The following TULP4 variants were observed in gnomAD, a reference collection of about 807,000 sequenced individuals.
TULP4 encodes TUB like protein 4, also known as tubby-related protein 4.
TULP4 carries 16 observed loss-of-function variants against 129.0 expected under a neutral mutation model. The ratio of observed to expected loss-of-function variants is 0.12; its 90% CI spans 0.08 to 0.19. TULP4 has a LOEUF of 0.19. TULP4 is among the 10% of genes least tolerant of loss of function. TULP4 has a pLI of 1.00. For missense variants in TULP4, 1,842 were observed against 2,059.1 expected (o/e 0.89, Z 2.04); for synonymous variants, 998 against 854.0 (o/e 1.17, Z -2.94).
At chr6:158,395,934 C>T (rs958162858) in intron 1 of TULP4, among the ~76,000 whole-genome samples, 2 of 151,968 alleles carry the variant, frequency 1.3e-5, no homozygotes, top group Non-Finnish European at 2.9e-5. Context: ...GCACAGTCCT[C>T]CTAGAGTTAA....
chr6:158,371,445 A>G (rs1419998673), intron 1 of TULP4, among the ~76,000 whole-genome samples: 2 of 152,066 alleles, frequency 1.3e-5, no homozygotes, highest in African/African-American at 4.8e-5. Context: ...CAAAATCCCA[A>G]CTGATACAGG....
At chr6:158,327,829 A>G (rs1271199970) in intron 1 of TULP4, among the ~76,000 whole-genome samples, 3 of 152,038 alleles carry the variant, frequency 2.0e-5, no homozygotes, top group Admixed American at 6.6e-5. Context: ...ATCCTTGACT[A>G]TTTATTCAAA....
At chr6:158,235,436 G>A (rs1483648120) in intron 1 of TULP4, among the ~76,000 whole-genome samples, 1 of 152,112 alleles carries the variant, frequency 6.6e-6, no homozygotes, top group Non-Finnish European at 1.5e-5. Flanking sequence ...GCCCTTTCAT[G>A]ACTGGCTTAT....
intron 1 of TULP4, among the ~76,000 whole-genome samples, chr6:158,363,729 AC>A (rs920514134): frequency 1.3e-5 from 2 of 149,008 alleles, no homozygotes; most frequent in Admixed American, 6.7e-5. Context: ...CAGGTGATCC[AC>A]CCCCCCGGCC....
At chr6:158,308,575 T>C (rs62437363), upstream of TULP4, among the ~76,000 whole-genome samples, 3 of 143,654 alleles carry the variant, frequency 2.1e-5, no homozygotes, top group African/African-American at 5.2e-5. Flanking sequence ...CCAGTAGGGG[T>C]GGCCGGGCAG....
At chr6:158,498,937 C>A in intron 12 of TULP4, 125 bp downstream of exon 12, 1 of 1,200,730 alleles carries the variant, frequency 8.3e-7, no homozygotes, top group Non-Finnish European at 1.2e-6. Flanking sequence ...GTATCCCTGC[C>A]TCAGTAAGGT....
chr6:158,340,609 C>G (rs1355260793), intron 1 of TULP4, among the ~76,000 whole-genome samples: 2 of 152,196 alleles, frequency 1.3e-5, no homozygotes, highest in African/African-American at 2.4e-5. Flanking sequence ...CTAGCCTGCC[C>G]TCCTGGAGTT....
chr6:158,487,345 C>T (rs1309222818), intron 8 of TULP4, among the ~76,000 whole-genome samples: 4 of 152,178 alleles, frequency 2.6e-5, no homozygotes, highest in Non-Finnish European at 5.9e-5. Context: ...GAGGCTGAGG[C>T]AGGAGAATCG....
At chr6:158,453,759 A>G (rs1352360777) in intron 5 of TULP4, among the ~76,000 whole-genome samples, 2 of 142,112 alleles carry the variant, frequency 1.4e-5, no homozygotes, top group African/African-American at 5.4e-5. Context: ...ACTGCACTCT[A>G]GCCTGGATGA....
At chr6:158,238,248 C>G in intron 1 of TULP4, 1 of 1,110,176 alleles carries the variant, frequency 9.0e-7, no homozygotes, top group South Asian at 1.3e-5. Context: ...TCTGAAAATT[C>G]CTGAAGCAGC....
At chr6:158,468,552 A>G (rs527531577) in intron 6 of TULP4, among the ~76,000 whole-genome samples, 1 of 152,318 alleles carries the variant, frequency 6.6e-6, no homozygotes, top group South Asian at 2.1e-4. Context: ...ATTTCTTTTA[A>G]AAAAATTAAT....
chr6:158,440,822 GT>G (rs1212937839), intron 3 of TULP4, among the ~76,000 whole-genome samples: 1 of 152,116 alleles, frequency 6.6e-6, no homozygotes, highest in African/African-American at 2.4e-5. Flanking sequence ...AATAAAATAT[GT>G]TTCTTTAGCA....
intron 1 of TULP4, among the ~76,000 whole-genome samples, chr6:158,401,649 T>C (rs1408744170): frequency 1.3e-5 from 2 of 151,788 alleles, no homozygotes; most frequent in Admixed American, 6.6e-5. Flanking sequence ...GTTCTAAGCA[T>C]GTGGCAGGTA....
chr6:158,377,924 G>T (rs970710918), intron 1 of TULP4, among the ~76,000 whole-genome samples: 1 of 152,182 alleles, frequency 6.6e-6, no homozygotes, highest in Non-Finnish European at 1.5e-5. Context: ...GGCCTGGGCT[G>T]AGCTAGGCGG....
At chr6:158,344,518 CTT>C (rs1475349622) in intron 1 of TULP4, among the ~76,000 whole-genome samples, 1 of 152,162 alleles carries the variant, frequency 6.6e-6, no homozygotes, top group Non-Finnish European at 1.5e-5. Context: ...ATATTTCAAG[CTT>C]TTTCATCATT....
At chr6:158,369,377 T>TA (rs1777021662) in intron 1 of TULP4, among the ~76,000 whole-genome samples, 1 of 152,202 alleles carries the variant, frequency 6.6e-6, no homozygotes, top group African/African-American at 2.4e-5. Context: ...GGCATGCCTG[T>TA]AGTGCCAGCT....
chr6:158,391,459 T>C (rs943965369), intron 1 of TULP4, among the ~76,000 whole-genome samples: 3 of 152,228 alleles, frequency 2.0e-5, no homozygotes, highest in Non-Finnish European at 2.9e-5. Flanking sequence ...TCAACTGTAG[T>C]GTATGAGGGT....
At chr6:158,332,302 A>G (rs1336076740) in intron 1 of TULP4, among the ~76,000 whole-genome samples, 1 of 151,202 alleles carries the variant, frequency 6.6e-6, no homozygotes, top group Non-Finnish European at 1.5e-5. Flanking sequence ...AGATGATGCA[A>G]GGGAGGATAA....
intron 2 of TULP4, among the ~76,000 whole-genome samples, chr6:158,427,561 T>C (rs1355196593): frequency 4.4e-4 from 58 of 132,904 alleles, no homozygotes; most frequent in African/African-American, 1.6e-3. Flanking sequence ...TGGCATGATC[T>C]CGTCTCACTG....
Sources: allele counts gnomAD v4.1 joint callset (sites outside exome capture counted in the v4.1 genomes callset), GRCh38; gene constraint gnomAD v4.1.1; transcripts MANE v1.5; gene names NCBI Gene and HGNC (gene_info 2026-07-23, HGNC 2026-07-21).